Variants in ADAMTS18 observed in about 807,000 individuals in gnomAD.
ADAMTS18 encodes A disintegrin and metalloproteinase with thrombospondin motifs 18.
In ADAMTS18, 157 loss-of-function variants were observed where a neutral mutation model predicts 165.9. That is an observed-to-expected ratio of 0.95 (90% CI 0.83 to 1.08). The LOEUF is 1.08. Ranked by LOEUF, ADAMTS18 falls within the 50% of genes least tolerant of loss-of-function variation. The pLI is 0.00. For synonymous variants in ADAMTS18, 782 were observed against 578.2 expected (o/e 1.35, Z -5.06); for missense variants, 2,040 against 1,534.0 (o/e 1.33, Z -5.51).
At chr16:77,333,906 T>C (rs74208554) in intron 12 of ADAMTS18, among the ~76,000 whole-genome samples, 5 of 145,358 alleles carry the variant, frequency 3.4e-5, no homozygotes, top group Non-Finnish European at 7.5e-5. Flanking sequence ...GTATAATATA[T>C]AGTGTCCTAT....
chr16:77,352,347 G>A (rs2056568227), intron 10 of ADAMTS18, among the ~76,000 whole-genome samples: 2 of 152,088 alleles, frequency 1.3e-5, no homozygotes, highest in South Asian at 4.2e-4. Context: ...CTGAAGTTTA[G>A]GAAACACTAG....
At chr16:77,300,526 C>A in intron 16 of ADAMTS18, 122 bp from the exon 17 acceptor site, 1 of 1,108,870 alleles carries the variant, frequency 9.0e-7, no homozygotes, top group Non-Finnish European at 1.3e-6. Flanking sequence ...TGGTATACTT[C>A]ATTGTTCCCA....
rs147576392 is a variant in ADAMTS18, at chr16:77,424,554, C to A, written c.495+6741G>T. Among the ~76,000 whole-genome samples the A allele has an allele frequency of 7.1e-3, 1,080 of 151,836 alleles. 4 individuals carry two copies. The highest frequency in any genetic ancestry group is 0.011 in the Non-Finnish European group (771 of 67,980). Reference sequence around the variant, plus strand: ...TGAGACCCCTCAAACTGGCCTTAGTCACCTTGGGGTCCTGCTCTCTGGCAA... The same window carrying A: ...TGAGACCCCTCAAACTGGCCTTAGTAACCTTGGGGTCCTGCTCTCTGGCAA... On this transcript the variant is annotated intron_variant, in intron 3 of 22. Coordinates refer to ENST00000282849, the MANE Select transcript of ADAMTS18 (RefSeq NM_199355.4).
intron 3 of ADAMTS18, among the ~76,000 whole-genome samples, chr16:77,379,870 G>A (rs926134285): frequency 1.3e-5 from 2 of 152,170 alleles, no homozygotes; most frequent in East Asian, 1.9e-4. Context: ...CTTCACAGAT[G>A]TTCACTGAGT....
chr16:77,357,572 C>T (rs972754252), intron 8 of ADAMTS18, among the ~76,000 whole-genome samples: 2 of 152,104 alleles, frequency 1.3e-5, no homozygotes, highest in Admixed American at 6.6e-5. Context: ...ATCCCAGAAA[C>T]AGAGATGGGG....
intron 3 of ADAMTS18, among the ~76,000 whole-genome samples, chr16:77,387,523 T>TC (rs1314107550): frequency 6.6e-6 from 1 of 152,192 alleles, no homozygotes; most frequent in Non-Finnish European, 1.5e-5. Flanking sequence ...CTCTGACCAT[T>TC]CATACCTCCT....
chr16:77,293,107 C>G lies in ADAMTS18; in HGVS notation c.3158G>C (p.Arg1053Pro). 1.2e-6 allele frequency: 2 copies of G among 1,614,030 alleles called. No homozygotes were observed. The highest frequency in any genetic ancestry group is 4.5e-5 in the East Asian group (2 of 44,870). Residue 1053 changes from arginine to proline, a missense_variant, in exon 20 of 23, where the codon CGG becomes CCG. Coordinates refer to ENST00000282849, the MANE Select transcript of ADAMTS18 (RefSeq NM_199355.4). ...CVLGRCPKNSRLQWVASSWSE... is the reference protein window; with the variant it reads ...CVLGRCPKNSPLQWVASSWSE... ...CCACGAAGAAGCGACCCACTGTAGC[C>G]GGCTGTTCTTGGGGCATCGTCCAAG...
At chr16:77,365,179 A>AAACTACAAC (rs1555519664) in intron 4 of ADAMTS18, among the ~76,000 whole-genome samples, 1 of 151,482 alleles carries the variant, frequency 6.6e-6, no homozygotes, top group African/African-American at 2.4e-5. Flanking sequence ...ATTTCATCTC[A>AAACTACAAC]AACAACAAAA....
intron 3 of ADAMTS18, among the ~76,000 whole-genome samples, chr16:77,413,738 T>C (rs756686857): frequency 2.0e-5 from 3 of 150,756 alleles, no homozygotes; most frequent in African/African-American, 2.4e-5. Flanking sequence ...TATAGCTATT[T>C]AGTATAACTA....
chr16:77,367,489 G>A lies in ADAMTS18; in HGVS notation c.730C>T (p.His244Tyr). The A allele has an allele frequency of 6.2e-7, 1 of 1,614,224 alleles. No homozygotes were observed. The highest frequency in any genetic ancestry group is 1.7e-5 in the Admixed American group (1 of 60,028). Residue 244 changes from histidine to tyrosine, a missense_variant, in exon 4 of 23, where the codon CAC (histidine) becomes TAC (tyrosine). By Grantham distance (83) the His-to-Tyr change is moderately conservative. Transcript: ENST00000282849. The stretch of plus-strand genomic sequence containing the variant: ...TGCTGCTTTTGCAACCTTCGATGGT[G>A]ATACTCTGTCTCTCGACTCTGAGAT... Reference protein sequence around the residue: ...HASQSRETEYHHRRLQKQHFC... With the variant: ...HASQSRETEYYHRRLQKQHFC...
intron 3 of ADAMTS18, among the ~76,000 whole-genome samples, chr16:77,428,817 G>T (rs755582935): frequency 7.9e-5 from 12 of 152,002 alleles, no homozygotes; most frequent in Non-Finnish European, 1.5e-4. Context: ...TCCCCAAATT[G>T]AAAATCCACA....
At chr16:77,357,180 C>A (rs1392608) in intron 8 of ADAMTS18, among the ~76,000 whole-genome samples, 79,185 of 151,632 alleles carry the variant, frequency 0.52, 21,204 homozygotes, top group Non-Finnish European at 0.59. Flanking sequence ...TTATAGAGTT[C>A]GCCTTTGAAA....
chr16:77,362,551 A>G (rs2056731542), intron 6 of ADAMTS18, among the ~76,000 whole-genome samples: 1 of 152,210 alleles, frequency 6.6e-6, no homozygotes, highest in South Asian at 2.1e-4. Context: ...TACTACCTTT[A>G]TAAAACCGTT....
At position 77,284,195 on chromosome 16, in the gene ADAMTS18, C is replaced by G. The variant is rs779949939; in HGVS notation, c.3551-124G>C. 3 of 646,740 alleles carry G rather than the reference C, an allele frequency of 4.6e-6. No individual in the cohort carries two copies. In the African/African-American group the frequency reaches 5.5e-5, roughly 12 times the overall value. 40.1% of individuals were successfully genotyped at this position (646,740 alleles called of 1,614,324 possible). A position where few individuals can be genotyped will look rare whatever the true frequency, so the allele number is the denominator to read the frequency against. On this transcript the variant is annotated intron_variant, in intron 22 of 22. Transcript: ENST00000282849. Reference sequence around the variant, plus strand: ...GAGTGCAGTGGTGTGGTGTGATCTCCGCTCACTGCAATCTCTGCTGCCCAG... The same window carrying G: ...GAGTGCAGTGGTGTGGTGTGATCTCGGCTCACTGCAATCTCTGCTGCCCAG...
At position 77,315,495 on chromosome 16, in the gene ADAMTS18, C is replaced by T. The variant is rs560120624; in HGVS notation, c.2532+4354G>A. Among the ~76,000 whole-genome samples, 4 of 152,304 alleles carry T rather than the reference C, an allele frequency of 2.6e-5. No homozygotes were observed. In the South Asian group the frequency reaches 8.3e-4, roughly 32 times the overall value. On this transcript the variant is annotated intron_variant, in intron 16 of 22. Transcript: ENST00000282849. The stretch of plus-strand genomic sequence containing the variant: ...TGAATGAGGGCATCTCCACTCACGC[C>T]TGTGGGTGTGCAGGTGCAGGGCAAA...
At chr16:77,430,181 C>A (rs553658686) in intron 3 of ADAMTS18, among the ~76,000 whole-genome samples, 7 of 147,946 alleles carry the variant, frequency 4.7e-5, no homozygotes, top group African/African-American at 1.7e-4. Context: ...AACAAAAAAA[C>A]AAGATATAGT....
chr16:77,433,805 G>A (rs2057765890), intron 2 of ADAMTS18, among the ~76,000 whole-genome samples: 1 of 152,180 alleles, frequency 6.6e-6, no homozygotes, highest in South Asian at 2.1e-4. Context: ...CCACTGGGAA[G>A]TTAATAAATG....
intron 3 of ADAMTS18, among the ~76,000 whole-genome samples, chr16:77,408,077 A>G (rs1017360291): frequency 4.6e-5 from 7 of 152,162 alleles, no homozygotes; most frequent in Non-Finnish European, 7.4e-5. Flanking sequence ...ATTTGACAAA[A>G]GAGGATATCT....
intron 13 of ADAMTS18, among the ~76,000 whole-genome samples, chr16:77,324,136 A>G (rs1237847891): frequency 1.3e-5 from 2 of 152,248 alleles, no homozygotes; most frequent in African/African-American, 4.8e-5. Flanking sequence ...GCCAAGGAAT[A>G]TCCACGAAGC....
Sources: gnomAD v4.1 joint callset for allele counts (sites outside exome capture counted in the v4.1 genomes callset) on GRCh38, gnomAD v4.1.1 for gene constraint, MANE v1.5 for transcripts, NCBI Gene and HGNC (gene_info 2026-07-23, HGNC 2026-07-21) for gene names.